The following FLT3 variants were observed in gnomAD, a reference collection of about 807,000 sequenced individuals.
The protein encoded by FLT3 is receptor-type tyrosine-protein kinase FLT3.
A neutral mutation model predicts 126.6 loss-of-function variants in FLT3; 46 were observed. That is an observed-to-expected ratio of 0.36 (90% CI 0.29 to 0.46). FLT3 has a LOEUF of 0.46. Among genes scored for constraint, FLT3 ranks in the 20% least tolerant of loss-of-function variants. The probability of loss-of-function intolerance (pLI) is 1.00; values close to 1 mark genes in which losing one functional copy is unlikely to be tolerated. For synonymous variants in FLT3, 404 were observed against 434.4 expected (o/e 0.93, Z 0.87); for missense variants, 1,069 against 1,190.3 (o/e 0.90, Z 1.50).
Position 28,057,481 on chromosome 13 carries a change from A to G in FLT3, c.369-19T>C, listed in dbSNP as rs542436563. The G allele has an allele frequency of 1.5e-4, 169 of 1,133,654 alleles. No homozygotes were observed. Among genetic ancestry groups the G allele is most frequent in the Non-Finnish European group, 2.2e-4 (163 of 743,756 alleles). The allele number at this position is 1,133,654 out of a possible 1,614,324, so 70.2% of individuals were successfully genotyped here. On this transcript the variant is annotated intron_variant, in intron 3 of 23. Coordinates refer to ENST00000241453, the MANE Select transcript of FLT3 (RefSeq NM_004119.3). The stretch of plus-strand genomic sequence containing the variant: ...AACTCCTCTGCAAAACAGGAAAGAG[A>G]ACTAGTTATTTTGGAAAATGTGTGA...
chr13:28,089,367 AAAAG>A (rs1243490751), intron 1 of FLT3, among the ~76,000 whole-genome samples: 4 of 152,162 alleles, frequency 2.6e-5, no homozygotes, highest in Non-Finnish European at 4.4e-5. Context: ...GTATTTACCC[AAAAG>A]AAATGAAAAC....
At chr13:28,005,708 A>C (rs1870819793) in intron 23 of FLT3, among the ~76,000 whole-genome samples, 1 of 152,182 alleles carries the variant, frequency 6.6e-6, no homozygotes, top group South Asian at 2.1e-4. Flanking sequence ...GTGATACACA[A>C]GGCCAGGCTG....
Position 28,004,001 on chromosome 13 carries a change from G to A in FLT3, c.*51C>T. The A allele has an allele frequency of 3.7e-6, 6 of 1,603,362 alleles. No homozygotes were observed. The highest frequency in any genetic ancestry group is 5.1e-6 in the Non-Finnish European group (6 of 1,170,570). Reference sequence around the variant, plus strand: ...ATTAATCTTGTTTTGGTAATCTACAGCCTGTTAGGGATAGGTGGAGGGATG... The same window carrying A: ...ATTAATCTTGTTTTGGTAATCTACAACCTGTTAGGGATAGGTGGAGGGATG... On this transcript the variant is annotated 3_prime_UTR_variant, in exon 24 of 24. Transcript: ENST00000241453.
intron 9 of FLT3, among the ~76,000 whole-genome samples, chr13:28,042,447 A>G (rs187335092): frequency 1.7e-4 from 26 of 152,236 alleles, no homozygotes; most frequent in African/African-American, 5.3e-4. Flanking sequence ...GCTTACATAG[A>G]AAAAGTCTGC....
chr13:28,010,914 A>G (rs1871297177), intron 23 of FLT3, among the ~76,000 whole-genome samples: 1 of 152,006 alleles, frequency 6.6e-6, no homozygotes, highest in African/African-American at 2.4e-5. Flanking sequence ...GAGGCACGAT[A>G]ATTGCTTGAA....
At chr13:28,022,979 A>T (rs1872528681) in intron 19 of FLT3, among the ~76,000 whole-genome samples, 1 of 152,224 alleles carries the variant, frequency 6.6e-6, no homozygotes, top group South Asian at 2.1e-4. Flanking sequence ...GCCTCCTCTC[A>T]TCCCCTGGGT....
In FLT3 at chr13:28,100,574, C is replaced by T. The variant is rs2137844856; in HGVS notation, c.-64G>A. On this transcript the variant is annotated 5_prime_UTR_variant, in exon 1 of 24. Coordinates refer to ENST00000241453, the MANE Select transcript of FLT3 (RefSeq NM_004119.3). The surrounding 1 kb of genome is among the most constrained non-coding windows in gnomAD (Gnocchi z 4.8). ...AGCCCTGCGATGCCGCCTGGAGCGG[C>T]GCGCCTCGCGCTGCAGGTGGCTCTC... 9.3e-7 allele frequency: 1 copy of T among 1,075,258 alleles called. No homozygotes were observed. Among genetic ancestry groups the T allele is most frequent in the Non-Finnish European group, 1.2e-6 (1 of 851,458 alleles). The allele number at this position is 1,075,258 out of a possible 1,614,324, so 66.6% of individuals were successfully genotyped here. A position where few individuals can be genotyped will look rare whatever the true frequency, so the allele number is the denominator to read the frequency against.
intron 13 of FLT3, 21 bp from the exon 14 acceptor site, chr13:28,034,235 G>A (rs2137676552): frequency 1.2e-6 from 2 of 1,613,862 alleles, no homozygotes; most frequent in Non-Finnish European, 8.5e-7. Context: ...GAAATGATGA[G>A]TCAGTTAGGA....
intron 9 of FLT3, among the ~76,000 whole-genome samples, chr13:28,041,140 T>C (rs1459816559): frequency 2.0e-5 from 3 of 152,022 alleles, no homozygotes; most frequent in African/African-American, 7.3e-5. Flanking sequence ...GAAAGCCAGA[T>C]TACAACCCTA....
At chr13:28,090,650 C>T (rs979692912) in intron 1 of FLT3, among the ~76,000 whole-genome samples, 3 of 152,020 alleles carry the variant, frequency 2.0e-5, no homozygotes, top group Non-Finnish European at 4.4e-5. Flanking sequence ...TGGTGGTGCA[C>T]ACCTGTGGTC....
intron 1 of FLT3, among the ~76,000 whole-genome samples, chr13:28,072,388 G>T (rs376187465): frequency 6.7e-6 from 1 of 149,990 alleles, no homozygotes; most frequent in Non-Finnish European, 1.5e-5. Context: ...ACTCTCTCTC[G>T]CTCTCTCTCT....
intron 1 of FLT3, among the ~76,000 whole-genome samples, chr13:28,084,488 G>A (rs566978662): frequency 6.6e-6 from 1 of 152,096 alleles, no homozygotes; most frequent in African/African-American, 2.4e-5. Flanking sequence ...CTGTGTAGCT[G>A]GGAGTACAGG....
At chr13:28,057,741 T>A (rs1021040405) in intron 3 of FLT3, among the ~76,000 whole-genome samples, 3 of 152,026 alleles carry the variant, frequency 2.0e-5, no homozygotes, top group African/African-American at 7.2e-5. Context: ...AAAACTCCCA[T>A]CTAAAAACAC....
intron 9 of FLT3, among the ~76,000 whole-genome samples, chr13:28,043,050 T>C (rs1249754399): frequency 6.6e-6 from 1 of 151,822 alleles, no homozygotes; most frequent in Non-Finnish European, 1.5e-5. Flanking sequence ...AAGCACTCGG[T>C]TAGTGCCTAC....
chr13:28,030,857 T>C (rs1555253562), intron 15 of FLT3, among the ~76,000 whole-genome samples: 1 of 152,080 alleles, frequency 6.6e-6, no homozygotes, highest in Non-Finnish European at 1.5e-5. Flanking sequence ...TGAGCTATGA[T>C]GACTTCACTG....
Position 28,011,234 on chromosome 13 carries a change from C to T in FLT3, c.2859+3218G>A, listed in dbSNP as rs1370398771. On this transcript the variant is annotated intron_variant, in intron 23 of 23. Transcript: ENST00000241453. ...CTGAGGCATAAGAATTGCTTGAACC[C>T]AGGAGGCAGAGGTTGCAGTGAGCTG... Among the ~76,000 whole-genome samples, 3 of 150,216 alleles carry T rather than the reference C, an allele frequency of 2.0e-5. No individual in the cohort carries two copies. In the Admixed American group the frequency reaches 2.0e-4, roughly 10 times the overall value.
chr13:28,033,118 C>A (rs1873496299), intron 15 of FLT3, among the ~76,000 whole-genome samples: 2 of 151,192 alleles, frequency 1.3e-5, no homozygotes, highest in African/African-American at 4.9e-5. Flanking sequence ...GAGTTTGCAA[C>A]CATCCTGGGC....
intron 1 of FLT3, among the ~76,000 whole-genome samples, chr13:28,081,884 T>C (rs1878347679): frequency 7.4e-6 from 1 of 134,378 alleles, no homozygotes; most frequent in Non-Finnish European, 1.6e-5. Context: ...TGAGACACAG[T>C]CTTGCTCTGT....
Position 28,061,905 on chromosome 13 carries a change from G to A in FLT3, c.330C>T (p.Ser110=), listed in dbSNP as rs1408628862. ...CAAAATGTGGCTGGCAATTCAGGGAGCTGTGCTTAAAGACCCAGAGACAGG... is the reference window on the plus strand; with the variant it reads ...CAAAATGTGGCTGGCAATTCAGGGAACTGTGCTTAAAGACCCAGAGACAGG... The part of the protein sequence containing the change: ...NISCLWVFKH[S]SLNCQPHFDL... Residue 110 remains serine, a synonymous_variant, in exon 3 of 24, where the codon AGC becomes AGT. Coordinates refer to ENST00000241453, the MANE Select transcript of FLT3 (RefSeq NM_004119.3). 2.5e-6 allele frequency: 4 copies of A among 1,614,028 alleles called. No homozygotes were observed. The East Asian group carries it at 8.9e-5, about 36-fold the overall frequency.
Sources: allele counts gnomAD v4.1 joint callset (sites outside exome capture counted in the v4.1 genomes callset), GRCh38; gene constraint gnomAD v4.1.1; non-coding constraint Gnocchi (gnomAD v3.1); transcripts MANE v1.5; gene names NCBI Gene and HGNC (gene_info 2026-07-23, HGNC 2026-07-21).